PALM2AKAP2: variants seen among roughly 807,000 people sequenced by gnomAD.
PALM2AKAP2 encodes PALM2 and AKAP2 fusion, also known as PALM2-AKAP2 fusion protein.
Under a neutral mutation model 71.5 loss-of-function variants are expected in PALM2AKAP2, and 37 were observed. That is an observed-to-expected ratio of 0.52 (90% CI 0.40 to 0.68). The LOEUF (loss-of-function observed/expected upper bound fraction) is 0.68, where lower values mean the gene tolerates loss of function less well. Among genes scored for constraint, PALM2AKAP2 ranks in the 30% least tolerant of loss-of-function variants. The pLI is 0.00. For missense variants in PALM2AKAP2, 1,224 were observed against 1,191.8 expected (o/e 1.03, Z -0.40); for synonymous variants, 468 against 478.8 (o/e 0.98, Z 0.29).
rs149522946 is a variant in PALM2AKAP2 at position 109,784,810 on chromosome 9, C to T, written c.45+4277C>T. Among the ~76,000 whole-genome samples the T allele has an allele frequency of 1.6e-4, 25 of 152,374 alleles. No homozygotes were observed. The East Asian group carries it at 4.8e-3, about 29-fold the overall frequency. ...CAGCGTCTCGCACTTTTCCCATGAG[C>T]ACACTGTGCAGGTGGTCTCAGCAGC... On this transcript the variant is annotated intron_variant, in intron 1 of 9. Transcript: ENST00000302798.
At chr9:109,641,613 C>T (rs759781652) in intron 1 of PALM2AKAP2, among the ~76,000 whole-genome samples, 15 of 152,168 alleles carry the variant, frequency 9.9e-5, no homozygotes, top group African/African-American at 3.4e-4. Context: ...TGGACACTCT[C>T]TCGAGCTGCT....
At chr9:109,901,373 T>C (rs891496797) in intron 3 of PALM2AKAP2, among the ~76,000 whole-genome samples, 1 of 152,204 alleles carries the variant, frequency 6.6e-6, no homozygotes, top group African/African-American at 2.4e-5. Flanking sequence ...TGTCTCTCCC[T>C]GGGAACGGAC....
At chr9:110,104,010 T>G (rs1835058554) in intron 1 of PALM2AKAP2, among the ~76,000 whole-genome samples, 1 of 152,236 alleles carries the variant, frequency 6.6e-6, no homozygotes, top group South Asian at 2.1e-4. Context: ...CAGCCACATC[T>G]TCTTTAGGAC....
intron 1 of PALM2AKAP2, among the ~76,000 whole-genome samples, chr9:109,647,697 C>T (rs1461197517): frequency 1.3e-5 from 2 of 152,166 alleles, no homozygotes; most frequent in Admixed American, 6.5e-5. Flanking sequence ...TGTGCTCTTG[C>T]TCTGTCTACT....
At chr9:109,941,902 A>G (rs1256065396) in intron 6 of PALM2AKAP2, among the ~76,000 whole-genome samples, 1 of 152,236 alleles carries the variant, frequency 6.6e-6, no homozygotes, top group African/African-American at 2.4e-5. Flanking sequence ...GCAATGGAAC[A>G]AAAAGAAGAC....
intron 5 of PALM2AKAP2, among the ~76,000 whole-genome samples, chr9:109,931,362 C>T (rs989086572): frequency 2.6e-5 from 4 of 152,160 alleles, no homozygotes; most frequent in Non-Finnish European, 5.9e-5. Flanking sequence ...GAAACACCAG[C>T]CTGCAGTATT....
intron 1 of PALM2AKAP2, among the ~76,000 whole-genome samples, chr9:110,102,458 T>G (rs1198349964): frequency 6.6e-6 from 1 of 152,184 alleles, no homozygotes; most frequent in Non-Finnish European, 1.5e-5. Context: ...TTGTGTTACC[T>G]CCAGAGCTGG....
At chr9:110,049,827 G>A (rs368819515) in intron 1 of PALM2AKAP2, among the ~76,000 whole-genome samples, 1 of 152,244 alleles carries the variant, frequency 6.6e-6, no homozygotes, top group Non-Finnish European at 1.5e-5. Context: ...GCTGGTGGCC[G>A]GGTGAGGACT....
At chr9:109,770,143 C>A (rs1376545944) in intron 1 of PALM2AKAP2, among the ~76,000 whole-genome samples, 1 of 152,128 alleles carries the variant, frequency 6.6e-6, no homozygotes, top group Admixed American at 6.5e-5. Flanking sequence ...TGGGCTGGGT[C>A]GGAGTTGGCC....
intron 3 of PALM2AKAP2, among the ~76,000 whole-genome samples, chr9:110,164,138 C>T (rs1458590927): frequency 6.6e-6 from 1 of 152,178 alleles, no homozygotes; most frequent in Non-Finnish European, 1.5e-5. Flanking sequence ...TTGTGGTTCT[C>T]ATCTGGAGGA....
intron 1 of PALM2AKAP2, among the ~76,000 whole-genome samples, chr9:109,792,571 A>C (rs1032339594): frequency 1.3e-5 from 2 of 152,134 alleles, no homozygotes; most frequent in African/African-American, 4.8e-5. Context: ...TCTAACTGGA[A>C]TCTAAGTCAT....
chr9:110,156,412 A>G (rs753363314), exon 3 of PALM2AKAP2: 1 of 1,613,314 alleles, frequency 6.2e-7, no homozygotes, highest in Non-Finnish European at 8.5e-7. Context: ...GCCGGAACCC[A>G]GCGGCCCAAG....
At chr9:110,012,556 A>C (rs2132326647) in intron 6 of PALM2AKAP2, among the ~76,000 whole-genome samples, 1 of 152,050 alleles carries the variant, frequency 6.6e-6, no homozygotes, top group South Asian at 2.1e-4. Context: ...TGTTCTTACA[A>C]ACTTATCATC....
intron 1 of PALM2AKAP2, among the ~76,000 whole-genome samples, chr9:109,755,297 C>T (rs1286010260): frequency 1.3e-5 from 2 of 152,210 alleles, no homozygotes; most frequent in East Asian, 3.9e-4. Context: ...ACTGGTCCTG[C>T]CAGTTCCTCT....
At chr9:109,689,681 G>A (rs188064843) in intron 1 of PALM2AKAP2, among the ~76,000 whole-genome samples, 8 of 152,312 alleles carry the variant, frequency 5.3e-5, no homozygotes, top group Middle Eastern at 3.4e-3. Context: ...GTTAATAAAG[G>A]CTAAGATGAG....
intron 2 of PALM2AKAP2, among the ~76,000 whole-genome samples, chr9:110,150,522 A>G (rs1345313127): frequency 6.6e-6 from 1 of 152,070 alleles, no homozygotes; most frequent in South Asian, 2.1e-4. Context: ...CCCTCCTACA[A>G]TTACATCAGA....
rs118047182 is a variant in PALM2AKAP2 at position 109,878,594 on chromosome 9, C to A, written c.127-1957C>A. Among the ~76,000 whole-genome samples the A allele has an allele frequency of 4.1e-3, 628 of 152,276 alleles. 3 individuals carry two copies. The highest frequency in any genetic ancestry group is 0.014 in the Middle Eastern group (4 of 294). ...ATGATGTATTGTCAACACAGAGTCT[C>A]TCCTGGAAGTGCAGGAATTCCAGGT... On this transcript the variant is annotated intron_variant, in intron 2 of 9. Transcript: ENST00000302798.
intron 7 of PALM2AKAP2, among the ~76,000 whole-genome samples, chr9:110,017,156 G>C (rs1832997597): frequency 1.3e-5 from 2 of 152,214 alleles, no homozygotes; most frequent in Admixed American, 6.5e-5. Context: ...TGGGATTACA[G>C]GCATGAGCCA....
At chr9:110,046,291 G>C (rs1365072907), upstream of PALM2AKAP2, among the ~76,000 whole-genome samples, 1 of 152,052 alleles carries the variant, frequency 6.6e-6, no homozygotes, top group Non-Finnish European at 1.5e-5. Context: ...AATTTGGAAG[G>C]TGGAAGAAAA....
Sources: allele counts gnomAD v4.1 joint callset (sites outside exome capture counted in the v4.1 genomes callset), GRCh38; gene constraint gnomAD v4.1.1; transcripts MANE v1.5; gene names NCBI Gene and HGNC (gene_info 2026-07-23, HGNC 2026-07-21).